The following ZRANB3 variants were observed in gnomAD, a reference collection of about 807,000 sequenced individuals.
The protein encoded by ZRANB3 is zinc finger RANBP2-type containing 3, also known as DNA annealing helicase and endonuclease ZRANB3.
Under a neutral mutation model 133.8 loss-of-function variants are expected in ZRANB3, and 125 were observed. That is an observed-to-expected ratio of 0.93 (90% CI 0.81 to 1.08). The LOEUF (loss-of-function observed/expected upper bound fraction) is 1.08. Ranked by LOEUF, ZRANB3 falls within the 50% of genes least tolerant of loss-of-function variation. The pLI, the probability that ZRANB3 is intolerant of heterozygous loss-of-function variation, is 0.00. For synonymous variants in ZRANB3, 387 were observed against 432.7 expected, an observed-to-expected ratio of 0.89 and a Z score of 1.31; for missense variants, 1,229 against 1,275.5, an observed-to-expected ratio of 0.96 and a Z score of 0.56.
At chr2:135,516,385 G>A (rs1003858172) in intron 1 of ZRANB3, among the ~76,000 whole-genome samples, 9 of 152,172 alleles carry the variant, frequency 5.9e-5, no homozygotes, top group African/African-American at 2.2e-4. Flanking sequence ...AACTTGGTAT[G>A]TTTTTGCAGT....
chr2:135,269,423 C>CGGAT (rs1398286596), intron 10 of ZRANB3, among the ~76,000 whole-genome samples: 2 of 152,038 alleles, frequency 1.3e-5, no homozygotes, highest in Non-Finnish European at 2.9e-5. Flanking sequence ...TGATGATGAA[C>CGGAT]GGATTCACAT....
Position 135,489,252 on chromosome 2 carries a change from C to T in ZRANB3, c.161+15077G>A, listed in dbSNP as rs150257606. Among the ~76,000 whole-genome samples the T allele has an allele frequency of 3.2e-3, 423 of 133,908 alleles. 3 individuals carry two copies. Among genetic ancestry groups the T allele is most frequent in the African/African-American group, 0.011 (393 of 35,168 alleles). 87.8% of individuals were successfully genotyped at this position (133,908 alleles called of 152,430 possible). A position where few individuals can be genotyped will look rare whatever the true frequency, so the allele number is the denominator to read the frequency against. Reference sequence around the variant, plus strand: ...ATATGTTCTCACTCATAGGTGGGAACTGAACAATGAGAACACACGGACACA... The same window carrying T: ...ATATGTTCTCACTCATAGGTGGGAATTGAACAATGAGAACACACGGACACA... On this transcript the variant is annotated intron_variant, in intron 2 of 20. Transcript: ENST00000264159.
At chr2:135,481,234 G>T (rs1480048124) in intron 2 of ZRANB3, among the ~76,000 whole-genome samples, 1 of 151,026 alleles carries the variant, frequency 6.6e-6, no homozygotes, top group South Asian at 2.1e-4. Context: ...CCCACCAACA[G>T]TGTAAAAGTG....
intron 17 of ZRANB3, 132 bp from the exon 18 acceptor site, chr2:135,209,110 A>C: frequency 1.3e-6 from 1 of 746,180 alleles, no homozygotes; most frequent in Non-Finnish European, 2.1e-6. Context: ...GCTGAAACTC[A>C]AGTTAGAAAA....
At chr2:135,513,112 T>A (rs1029394208) in intron 1 of ZRANB3, among the ~76,000 whole-genome samples, 1 of 152,046 alleles carries the variant, frequency 6.6e-6, no homozygotes. Context: ...GCAAACCAAA[T>A]ATAGCAGTAA....
chr2:135,353,433 T>C lies in ZRANB3; in HGVS notation c.359+17A>G. The C allele has an allele frequency of 6.5e-7, 1 of 1,534,398 alleles. No individual in the cohort carries two copies. Among genetic ancestry groups the C allele is most frequent in the Non-Finnish European group, 8.8e-7 (1 of 1,141,288 alleles). ...AAGGAAGACTTTTCTCCTTAAATAT[T>C]AAACAGTTGTTCTTACCTAACATCA... On this transcript the variant is annotated intron_variant, in intron 4 of 20. Transcript: ENST00000264159.
intron 2 of ZRANB3, among the ~76,000 whole-genome samples, chr2:135,484,503 C>A (rs1343252690): frequency 1.3e-5 from 2 of 151,770 alleles, no homozygotes; most frequent in African/African-American, 2.4e-5. Flanking sequence ...AAATACATGA[C>A]ATAAATATGA....
At chr2:135,216,379 A>G (rs1038842610) in intron 17 of ZRANB3, among the ~76,000 whole-genome samples, 1 of 152,180 alleles carries the variant, frequency 6.6e-6, no homozygotes, top group African/African-American at 2.4e-5. Context: ...GTATGGAGGC[A>G]GCAAGAGCTA....
At chr2:135,209,059 A>G in intron 17 of ZRANB3, 81 bp from the exon 18 acceptor site, 1 of 1,322,480 alleles carries the variant, frequency 7.6e-7, no homozygotes, top group Non-Finnish European at 1.1e-6. Context: ...GTTCCTTGCA[A>G]AAGCAATAGA....
intron 2 of ZRANB3, among the ~76,000 whole-genome samples, chr2:135,475,005 C>T (rs1691444441): frequency 6.6e-6 from 1 of 152,148 alleles, no homozygotes; most frequent in African/African-American, 2.4e-5. Flanking sequence ...TGATACTAGC[C>T]ATCTGCCTCT....
chr2:135,437,106 C>T (rs1215539398), intron 2 of ZRANB3, among the ~76,000 whole-genome samples: 1 of 152,108 alleles, frequency 6.6e-6, no homozygotes, highest in Non-Finnish European at 1.5e-5. Flanking sequence ...ATTACAGGTG[C>T]CCGCCACCAT....
chr2:135,334,080 T>C (rs1335557046), intron 6 of ZRANB3, among the ~76,000 whole-genome samples: 2 of 152,196 alleles, frequency 1.3e-5, no homozygotes, highest in African/African-American at 4.8e-5. Context: ...AATATTCAAC[T>C]AGGTTAGTAT....
chr2:135,494,099 T>G, intron 2 of ZRANB3, among the ~76,000 whole-genome samples: 1 of 128,732 alleles, frequency 7.8e-6, no homozygotes. Flanking sequence ...TGGATAGAAA[T>G]AGAAAGGAGG....
chr2:135,430,008 A>G (rs937643434), intron 2 of ZRANB3, among the ~76,000 whole-genome samples: 6 of 152,010 alleles, frequency 3.9e-5, no homozygotes, highest in African/African-American at 1.4e-4. Flanking sequence ...CTGTCTCTAC[A>G]AAAAATTCTT....
chr2:135,429,876 T>C (rs1210299410), intron 2 of ZRANB3, among the ~76,000 whole-genome samples: 1 of 152,174 alleles, frequency 6.6e-6, no homozygotes, highest in African/African-American at 2.4e-5. Context: ...AATGAAGAAC[T>C]TTCCAGTGTA....
chr2:135,322,813 G>A (rs1283794299), intron 6 of ZRANB3, among the ~76,000 whole-genome samples: 1 of 151,882 alleles, frequency 6.6e-6, no homozygotes, highest in East Asian at 1.9e-4. Context: ...GGTCAGGAGT[G>A]TAAGACCAGC....
chr2:135,421,435 A>T (rs1277468034), intron 2 of ZRANB3, among the ~76,000 whole-genome samples: 4 of 152,316 alleles, frequency 2.6e-5, no homozygotes, highest in African/African-American at 9.6e-5. Flanking sequence ...TACAAAGTAG[A>T]CTTCATTTGT....
intron 3 of ZRANB3, among the ~76,000 whole-genome samples, chr2:135,387,789 A>T (rs1687047043): frequency 6.6e-6 from 1 of 152,310 alleles, no homozygotes; most frequent in Non-Finnish European, 1.5e-5. Context: ...TATTTAATTA[A>T]AAAGTAAGAA....
chr2:135,413,262 T>A (rs761337370), intron 2 of ZRANB3, among the ~76,000 whole-genome samples: 3 of 152,190 alleles, frequency 2.0e-5, no homozygotes, highest in Non-Finnish European at 4.4e-5. Context: ...ATGAATAGAC[T>A]AGTGAATCAA....
Sources: allele counts gnomAD v4.1 joint callset (sites outside exome capture counted in the v4.1 genomes callset), GRCh38; gene constraint gnomAD v4.1.1; transcripts MANE v1.5; gene names NCBI Gene and HGNC (gene_info 2026-07-23, HGNC 2026-07-21).